The following TRAPPC11 variants were observed in gnomAD, a reference collection of about 807,000 sequenced individuals.
TRAPPC11 encodes trafficking protein particle complex subunit 11.
TRAPPC11 carries 104 observed loss-of-function variants against 151.2 expected under a neutral mutation model. The observed-to-expected ratio is 0.69, with a 90% CI of 0.59 to 0.81. The LOEUF is 0.81. TRAPPC11 is among the 30% of genes least tolerant of loss of function. The pLI is 0.00. For missense variants in TRAPPC11, 1,230 were observed against 1,349.6 expected, an observed-to-expected ratio of 0.91 and a Z score of 1.39; for synonymous variants, 456 against 472.3, an observed-to-expected ratio of 0.97 and a Z score of 0.45.
At chr4:183,704,065 CTG>C (rs1736929481) in intron 26 of TRAPPC11, among the ~76,000 whole-genome samples, 1 of 152,202 alleles carries the variant, frequency 6.6e-6, no homozygotes, top group African/African-American at 2.4e-5. Flanking sequence ...TACCAAAACA[CTG>C]TATTAAATCG....
chr4:183,669,583 T>C (rs1735048446), intron 5 of TRAPPC11, among the ~76,000 whole-genome samples: 1 of 152,222 alleles, frequency 6.6e-6, no homozygotes, highest in African/African-American at 2.4e-5. Flanking sequence ...TACCCTGCTG[T>C]AATGACTCTT....
intron 29 of TRAPPC11, among the ~76,000 whole-genome samples, chr4:183,709,617 T>C (rs1737242362): frequency 6.6e-6 from 1 of 151,964 alleles, no homozygotes; most frequent in South Asian, 2.1e-4. Context: ...CTACTAAAAA[T>C]ACAGAAAATT....
rs183256993 is a variant in TRAPPC11 at position 183,700,025 on chromosome 4, C to T, written c.2852-1672C>T. The stretch of plus-strand genomic sequence containing the variant: ...ATTTTTAGTAGAGACAGGGTTTCAC[C>T]GTGGTCTCGATCTCCTGACCGCGTG... On this transcript the variant is annotated intron_variant, in intron 25 of 29. Coordinates refer to ENST00000334690, the MANE Select transcript of TRAPPC11 (RefSeq NM_021942.6). Among the ~76,000 whole-genome samples the T allele has an allele frequency of 1.5e-3, 221 of 152,098 alleles. 2 individuals are homozygous for T. The highest frequency in any genetic ancestry group is 4.9e-3 in the African/African-American group (204 of 41,484).
chr4:183,670,430 A>G (rs548481095), intron 5 of TRAPPC11, among the ~76,000 whole-genome samples: 9 of 152,328 alleles, frequency 5.9e-5, no homozygotes, highest in Non-Finnish European at 1.2e-4. Context: ...TCTTAGGACA[A>G]TAGGCTGTCT....
At chr4:183,676,764 CCTGTGCTG>C (rs1286091308) in intron 7 of TRAPPC11, among the ~76,000 whole-genome samples, 1 of 152,140 alleles carries the variant, frequency 6.6e-6, no homozygotes, top group Non-Finnish European at 1.5e-5. Context: ...AAGCTGTTGA[CCTGTGCTG>C]CTGTTTTTTT....
Position 183,680,679 on chromosome 4 carries a change from C to CTTTTTTTT in TRAPPC11, c.1113+426_1113+433dup, listed in dbSNP as rs71589581. On this transcript the variant is annotated intron_variant, in intron 10 of 29. Transcript: ENST00000334690. ...CCTGGGGTTTTCCTGTATGGAGACT[C>CTTTTTTTT]TTTTTTTTTTTTTTTTTTTTTGGAG... is the stretch of plus-strand genomic sequence containing the variant. 1.9e-3 allele frequency among the ~76,000 whole-genome samples: 156 copies of CTTTTTTTT among 82,948 alleles called. 6 individuals carry two copies. Among genetic ancestry groups the CTTTTTTTT allele is most frequent in the East Asian group, 6.6e-3 (16 of 2,424 alleles). 54.4% of individuals were successfully genotyped at this position (82,948 alleles called of 152,430 possible).
chr4:183,703,793 T>G (rs1378524180), intron 26 of TRAPPC11, among the ~76,000 whole-genome samples: 6 of 152,238 alleles, frequency 3.9e-5, no homozygotes, highest in East Asian at 3.8e-4. Context: ...ACCACCCTTA[T>G]AGTTCCCACT....
At position 183,668,080 on chromosome 4, in the gene TRAPPC11, C is replaced by T; in HGVS notation, c.523C>T (p.Leu175=). ...ACTCTCAGGAAAGTCTTTGTTTGTACTGCCGCACACTGACCACCTTGTGGG... is the reference window on the plus strand; with the variant it reads ...ACTCTCAGGAAAGTCTTTGTTTGTATTGCCGCACACTGACCACCTTGTGGG... ...CELSGKSLFV[L]PHTDHLVGYI... The change falls in exon 5 of 30, where the codon CTG becomes TTG. Residue 175 remains leucine (L), a synonymous_variant. Coordinates refer to ENST00000334690, the MANE Select transcript of TRAPPC11 (RefSeq NM_021942.6). 1 of 1,612,946 alleles carries T rather than the reference C, an allele frequency of 6.2e-7. No homozygotes were observed. Among genetic ancestry groups the T allele is most frequent in the Non-Finnish European group, 8.5e-7 (1 of 1,179,110 alleles).
chr4:183,677,373 A>C, intron 7 of TRAPPC11, 85 bp from the exon 8 acceptor site: 1 of 822,408 alleles, frequency 1.2e-6, no homozygotes, highest in Non-Finnish European at 2.1e-6. Flanking sequence ...ATGTTGAGTA[A>C]ATATTCTTTG....
At chr4:183,660,897 A>G (rs1734463305) in intron 1 of TRAPPC11, among the ~76,000 whole-genome samples, 1 of 151,920 alleles carries the variant, frequency 6.6e-6, no homozygotes, top group Non-Finnish European at 1.5e-5. Flanking sequence ...TATTTTTAGT[A>G]GAGACGGGGT....
At position 183,685,077 on chromosome 4, in the gene TRAPPC11, A is replaced by C. The variant is rs149392707; in HGVS notation, c.1568-7A>C. 6.2e-7 allele frequency: 1 copy of C among 1,612,284 alleles called. No individual in the cohort carries two copies. Among genetic ancestry groups the C allele is most frequent in the Admixed American group, 1.7e-5 (1 of 59,572 alleles). On this transcript the variant is annotated splice_region_variant and splice_polypyrimidine_tract_variant and intron_variant, in intron 15 of 29. Transcript: ENST00000334690. The stretch of plus-strand genomic sequence containing the variant: ...TTAAAATGTTTTTCCTTCTTTCTTC[A>C]TACTAGCTTCAACTCTGAAAGATGA...
At chr4:183,680,048 A>G (rs1437970710) in intron 9 of TRAPPC11, 72 bp from the exon 10 acceptor site, 9 of 1,361,406 alleles carry the variant, frequency 6.6e-6, no homozygotes, top group African/African-American at 1.5e-5. Context: ...TAAGTTTCCC[A>G]GGATGAATTA....
At chr4:183,679,207 A>G (rs1023741544) in intron 8 of TRAPPC11, 146 bp from the exon 9 acceptor site, 12 of 698,760 alleles carry the variant, frequency 1.7e-5, no homozygotes, top group Non-Finnish European at 2.6e-5. Flanking sequence ...CATTCTGATG[A>G]GGAAAATTAA....
intron 10 of TRAPPC11, among the ~76,000 whole-genome samples, 193 bp downstream of exon 10, chr4:183,680,460 G>T (rs1490502937): frequency 6.6e-6 from 1 of 152,052 alleles, no homozygotes; most frequent in Non-Finnish European, 1.5e-5. Context: ...GAATTGAGCA[G>T]AAGTTTTTCT....
At chr4:183,679,579 T>A in intron 9 of TRAPPC11, 93 bp downstream of exon 9, 1 of 1,077,886 alleles carries the variant, frequency 9.3e-7, no homozygotes, top group Non-Finnish European at 1.3e-6. Flanking sequence ...CTGAACCAGG[T>A]TTTTTGTCAC....
At chr4:183,672,340 C>A (rs1266284725) in intron 5 of TRAPPC11, among the ~76,000 whole-genome samples, 24 of 151,980 alleles carry the variant, frequency 1.6e-4, no homozygotes. Context: ...AAGACTGAAT[C>A]GGTTGGATTT....
rs1554009994 is a variant in TRAPPC11, at chr4:183,693,633, A to T, written c.2282A>T (p.Glu761Val). 3 of 1,613,938 alleles carry T rather than the reference A, an allele frequency of 1.9e-6. No homozygotes were observed. In the Admixed American group the frequency reaches 5.0e-5, roughly 27 times the overall value. Residue 761 changes from glutamate (E) to valine (V), a missense_variant, in exon 21 of 30, where the codon GAA (glutamate) becomes GTA (valine). Physicochemically the swap from Glu to Val is moderately radical, Grantham distance 121 (BLOSUM62 -2). Transcript: ENST00000334690. Reference protein sequence around the residue: ...VPNISVHLLHEPPALTNEMYC... With the variant: ...VPNISVHLLHVPPALTNEMYC... ...AACATTTCTGTACATCTGCTACATG[A>T]ACCCCCTGCACTGACTAATGAAATG...
rs1295156330 is a variant in TRAPPC11, at chr4:183,699,402, C to T, written c.2851+1567C>T. ...TTGTAACACTTACCATATTATATTG[C>T]AATTTCGTATTTGTAAATATGGCTC... is the stretch of plus-strand genomic sequence containing the variant. On this transcript the variant is annotated intron_variant, in intron 25 of 29. Transcript: ENST00000334690. Among the ~76,000 whole-genome samples, 3 of 152,126 alleles carry T rather than the reference C, an allele frequency of 2.0e-5. No individual in the cohort carries two copies. The East Asian group carries it at 5.8e-4, about 29-fold the overall frequency.
At chr4:183,698,456 G>C (rs978382367) in intron 25 of TRAPPC11, among the ~76,000 whole-genome samples, 3 of 150,738 alleles carry the variant, frequency 2.0e-5, no homozygotes, top group African/African-American at 7.4e-5. Flanking sequence ...TTTCCTTATT[G>C]TCCTTATTGT....
Sources: gnomAD v4.1 joint callset for allele counts (sites outside exome capture counted in the v4.1 genomes callset) on GRCh38, gnomAD v4.1.1 for gene constraint, MANE v1.5 for transcripts, NCBI Gene and HGNC (gene_info 2026-07-23, HGNC 2026-07-21) for gene names.